The following MMAA variants were observed in gnomAD, a reference collection of about 807,000 sequenced individuals.
The protein encoded by MMAA is methylmalonic aciduria type A protein, mitochondrial.
A neutral mutation model predicts 45.0 loss-of-function variants in MMAA; 41 were observed. The observed-to-expected ratio is 0.91, with a 90% CI of 0.71 to 1.18. MMAA has a LOEUF of 1.18. Among genes scored for constraint, MMAA ranks in the 50% most tolerant of loss-of-function variants. The pLI, the probability that MMAA is intolerant of heterozygous loss-of-function variation, is 0.00. For missense variants in MMAA, 460 were observed against 495.7 expected (o/e 0.93, Z 0.68); for synonymous variants, 154 against 178.2 (o/e 0.86, Z 1.08).
intron 1 of MMAA, chr4:145,625,755 C>T: frequency 7.6e-7 from 1 of 1,321,150 alleles, no homozygotes; most frequent in Non-Finnish European, 1.1e-6. Context: ...GCCTGATAAC[C>T]AGTAGAGCTG....
intron 1 of MMAA, among the ~76,000 whole-genome samples, chr4:145,635,145 G>C (rs1323054921): frequency 2.6e-5 from 4 of 152,078 alleles, no homozygotes; most frequent in African/African-American, 9.7e-5. Context: ...ACTTGCCTAG[G>C]AGTTGCAGTC....
intron 1 of MMAA, among the ~76,000 whole-genome samples, chr4:145,621,912 T>C (rs1734096935): frequency 6.6e-6 from 1 of 152,226 alleles, no homozygotes; most frequent in Non-Finnish European, 1.5e-5. Flanking sequence ...AAGAAAGTCC[T>C]TAAAATATAT....
At chr4:145,633,913 A>G (rs781627608) in intron 1 of MMAA, among the ~76,000 whole-genome samples, 1 of 152,196 alleles carries the variant, frequency 6.6e-6, no homozygotes, top group Non-Finnish European at 1.5e-5. Context: ...ACTTTCTCCC[A>G]AACAGAATCT....
At chr4:145,631,155 A>G (rs114291925) in intron 1 of MMAA, among the ~76,000 whole-genome samples, 2,108 of 152,272 alleles carry the variant, frequency 0.014, 33 homozygotes, top group Middle Eastern at 0.024. Context: ...GTAAATACCT[A>G]TTAGGTCCAT....
chr4:145,642,367 G>T lies in MMAA; in HGVS notation c.444G>T (p.Leu148Phe). 3.1e-6 allele frequency: 5 copies of T among 1,613,998 alleles called. No homozygotes were observed. Among genetic ancestry groups the T allele is most frequent in the Non-Finnish European group, 3.4e-6 (4 of 1,179,988 alleles). Residue 148 changes from leucine (L) to phenylalanine (F), a missense_variant, in exon 3 of 7, where the codon TTG becomes TTT. Leu to Phe is a conservative substitution (Grantham distance 22). Coordinates refer to ENST00000649156, the MANE Select transcript of MMAA (RefSeq NM_172250.3). ...KGKPLAFRVG[L>F]SGPPGAGKST... ...GAAGATCTCTTTCCACCGTAGGATT[G>T]TCTGGGCCCCCTGGTGCTGGAAAAT... is the stretch of plus-strand genomic sequence containing the variant.
chr4:145,653,071 C>T (rs1191560968), intron 5 of MMAA, among the ~76,000 whole-genome samples: 1 of 152,016 alleles, frequency 6.6e-6, no homozygotes, highest in African/African-American at 2.4e-5. Flanking sequence ...TGAAGTCTTG[C>T]TTTGTTGCCC....
At position 145,635,826 on chromosome 4, in the gene MMAA, C is replaced by CA. The variant is rs1310098707; in HGVS notation, c.-65-3249_-65-3248insA. 5.3e-5 allele frequency among the ~76,000 whole-genome samples: 8 copies of CA among 152,358 alleles called. No individual in the cohort carries two copies. The East Asian group carries it at 1.5e-3, about 29-fold the overall frequency. ...ACCAGCATCACTGCAACTGAAAAGA[C>CA]TTCTTACTCACTTCAGAAGTTGGGC... On this transcript the variant is annotated intron_variant, in intron 1 of 6. Coordinates refer to ENST00000649156, the MANE Select transcript of MMAA (RefSeq NM_172250.3).
chr4:145,649,125 CAA>C (rs201679920), intron 4 of MMAA, among the ~76,000 whole-genome samples: 11,908 of 89,650 alleles, frequency 0.13, 524 homozygotes, highest in Non-Finnish European at 0.16. Context: ...TTGGTTCTAT[CAA>C]AAAAAAAAAA....
intron 4 of MMAA, chr4:145,646,703 A>G (rs2126623387): frequency 6.3e-6 from 1 of 159,646 alleles, no homozygotes; most frequent in South Asian, 1.9e-4. Context: ...GGTCCAGTGA[A>G]GACTTCCTAG....
chr4:145,632,874 C>T (rs891888592), intron 1 of MMAA, among the ~76,000 whole-genome samples: 2 of 151,832 alleles, frequency 1.3e-5, no homozygotes, highest in Non-Finnish European at 2.9e-5. Flanking sequence ...CCTGTCACCT[C>T]GGCCTCCTGA....
At chr4:145,627,684 G>A (rs968888422) in intron 1 of MMAA, among the ~76,000 whole-genome samples, 4 of 152,260 alleles carry the variant, frequency 2.6e-5, no homozygotes, top group Non-Finnish European at 4.4e-5. Flanking sequence ...TGGAGAAGGT[G>A]GGGGAAGATG....
At chr4:145,633,506 A>G (rs1354513301) in intron 1 of MMAA, among the ~76,000 whole-genome samples, 3 of 152,078 alleles carry the variant, frequency 2.0e-5, no homozygotes, top group Non-Finnish European at 1.5e-5. Context: ...TCGTGTCTTG[A>G]ATTTCTTGAG....
rs1560795966 is a variant in MMAA at position 145,639,411 on chromosome 4, C to A, written c.272C>A (p.Thr91Asn). 1 of 1,614,168 alleles carries A rather than the reference C, an allele frequency of 6.2e-7. No homozygotes were observed. Among genetic ancestry groups the A allele is most frequent in the Admixed American group, 1.7e-5 (1 of 60,020 alleles). ...CAAAGATTTGTGGATAAACTTTATA[C>A]TGGTTTAATCCAAGGGCAAAGGGCC... The part of the protein sequence containing the change: ...KEQRFVDKLY[T>N]GLIQGQRACL... Residue 91 changes from threonine to asparagine, a missense_variant, in exon 2 of 7, where the codon ACT (threonine) becomes AAT (asparagine). Transcript: ENST00000649156.
intron 3 of MMAA, among the ~76,000 whole-genome samples, chr4:145,643,495 T>A (rs886979540): frequency 3.9e-5 from 6 of 152,208 alleles, no homozygotes; most frequent in Non-Finnish European, 8.8e-5. Context: ...AGAATGATGA[T>A]GTAATCATAT....
At chr4:145,636,029 T>G (rs565582902) in intron 1 of MMAA, among the ~76,000 whole-genome samples, 2 of 152,278 alleles carry the variant, frequency 1.3e-5, no homozygotes, top group African/African-American at 2.4e-5. Flanking sequence ...TTCTGTTAAA[T>G]GAAAATAATA....
At chr4:145,653,879 G>A in intron 5 of MMAA, 115 bp from the exon 6 acceptor site, 4 of 1,104,150 alleles carry the variant, frequency 3.6e-6, no homozygotes, top group Non-Finnish European at 5.5e-6. Flanking sequence ...TGGCATCCAG[G>A]GCTTAGGAGG....
At chr4:145,644,286 G>A (rs1727870020) in intron 3 of MMAA, among the ~76,000 whole-genome samples, 1 of 152,176 alleles carries the variant, frequency 6.6e-6, no homozygotes, top group Non-Finnish European at 1.5e-5. Flanking sequence ...CTTACACAGA[G>A]ATTATTTCAT....
intron 1 of MMAA, among the ~76,000 whole-genome samples, chr4:145,636,410 A>T (rs531227452): frequency 6.6e-6 from 1 of 152,306 alleles, no homozygotes; most frequent in African/African-American, 2.4e-5. Context: ...TTATCTCTTC[A>T]AAAGCAAAGT....
At chr4:145,621,834 G>GT (rs770415719) in intron 1 of MMAA, among the ~76,000 whole-genome samples, 6 of 152,236 alleles carry the variant, frequency 3.9e-5, no homozygotes, top group Non-Finnish European at 8.8e-5. Context: ...AATATCCCAA[G>GT]TCAGACTGGC....
Sources: gnomAD v4.1 joint callset for allele counts (sites outside exome capture counted in the v4.1 genomes callset) on GRCh38, gnomAD v4.1.1 for gene constraint, MANE v1.5 for transcripts, NCBI Gene and HGNC (gene_info 2026-07-23, HGNC 2026-07-21) for gene names.